Variants in ALCAM observed in about 807,000 individuals in gnomAD.
ALCAM encodes activated leukocyte cell adhesion molecule.
In ALCAM, 30 loss-of-function variants were observed where a neutral mutation model predicts 70.9. The observed-to-expected ratio is 0.42, with a 90% CI of 0.32 to 0.57. The LOEUF is 0.57. Ranked by LOEUF, ALCAM falls within the 20% of genes least tolerant of loss-of-function variation. The pLI, the probability that ALCAM is intolerant of heterozygous loss-of-function variation, is 0.11. For synonymous variants in ALCAM, 249 were observed against 242.5 expected, an observed-to-expected ratio of 1.03 and a Z score of -0.25; for missense variants, 591 against 695.1, an observed-to-expected ratio of 0.85 and a Z score of 1.68.
At chr3:105,397,926 C>G (rs1423248283) in intron 1 of ALCAM, among the ~76,000 whole-genome samples, 1 of 152,022 alleles carries the variant, frequency 6.6e-6, no homozygotes, top group African/African-American at 2.4e-5. Flanking sequence ...TGTTGAGTGA[C>G]TACCATGGGT....
chr3:105,553,540 A>G (rs1940458297), intron 14 of ALCAM, among the ~76,000 whole-genome samples: 1 of 151,800 alleles, frequency 6.6e-6, no homozygotes, highest in Non-Finnish European at 1.5e-5. Context: ...AAGAAAGTTG[A>G]CTTAAAAGAG....
chr3:105,569,889 T>C (rs1282531740), intron 14 of ALCAM, among the ~76,000 whole-genome samples: 2 of 152,154 alleles, frequency 1.3e-5, no homozygotes, highest in Non-Finnish European at 2.9e-5. Flanking sequence ...CTTTCTAGGA[T>C]GTCAATTAGA....
chr3:105,454,962 G>T (rs966341108), intron 1 of ALCAM, among the ~76,000 whole-genome samples: 5 of 151,880 alleles, frequency 3.3e-5, no homozygotes, highest in African/African-American at 1.2e-4. Flanking sequence ...TTACAGGCGT[G>T]AGCCACTGCA....
intron 1 of ALCAM, among the ~76,000 whole-genome samples, chr3:105,441,485 A>T (rs1304685704): frequency 6.6e-6 from 1 of 152,154 alleles, no homozygotes; most frequent in African/African-American, 2.4e-5. Flanking sequence ...CTTTGCTTTT[A>T]ATCAATTGAA....
At chr3:105,415,215 ATTACT>A (rs1291774049) in intron 1 of ALCAM, among the ~76,000 whole-genome samples, 1 of 152,156 alleles carries the variant, frequency 6.6e-6, no homozygotes, top group African/African-American at 2.4e-5. Context: ...TGTAAACATA[ATTACT>A]TGCTTTCATC....
intron 1 of ALCAM, among the ~76,000 whole-genome samples, chr3:105,450,178 G>A (rs910638908): frequency 1.3e-5 from 2 of 152,122 alleles, no homozygotes; most frequent in African/African-American, 4.8e-5. Context: ...TCAAGAAATG[G>A]TTGAGATACC....
chr3:105,559,657 C>T (rs2152633760), intron 14 of ALCAM, among the ~76,000 whole-genome samples: 1 of 152,216 alleles, frequency 6.6e-6, no homozygotes, highest in East Asian at 1.9e-4. Context: ...ACTACTACTC[C>T]CTTCAAGATA....
At chr3:105,558,843 A>T (rs1296052287) in intron 14 of ALCAM, among the ~76,000 whole-genome samples, 1 of 151,952 alleles carries the variant, frequency 6.6e-6, no homozygotes, top group Non-Finnish European at 1.5e-5. Flanking sequence ...TTATCCTCAC[A>T]CCAGCTCTAC....
intron 14 of ALCAM, among the ~76,000 whole-genome samples, chr3:105,571,433 G>T (rs1940858402): frequency 6.6e-6 from 1 of 152,126 alleles, no homozygotes; most frequent in Non-Finnish European, 1.5e-5. Flanking sequence ...GCTCAACTGG[G>T]ATACATGATA....
At chr3:105,532,480 G>A (rs1405418209) in intron 4 of ALCAM, among the ~76,000 whole-genome samples, 1 of 152,138 alleles carries the variant, frequency 6.6e-6, no homozygotes, top group Non-Finnish European at 1.5e-5. Flanking sequence ...GTACATGCCT[G>A]TGGTCCCAGC....
chr3:105,447,536 C>T (rs1400021566), intron 1 of ALCAM, among the ~76,000 whole-genome samples: 1 of 152,062 alleles, frequency 6.6e-6, no homozygotes, highest in Non-Finnish European at 1.5e-5. Flanking sequence ...CCATCTCTAC[C>T]AAGAAATACA....
chr3:105,424,482 AATG>A (rs1349660386), intron 1 of ALCAM, among the ~76,000 whole-genome samples: 10 of 151,704 alleles, frequency 6.6e-5, no homozygotes, highest in Non-Finnish European at 1.5e-4. Context: ...TTGAAATCAG[AATG>A]TTTCATGGTG....
At chr3:105,389,550 G>A (rs928128099) in intron 1 of ALCAM, among the ~76,000 whole-genome samples, 1 of 150,888 alleles carries the variant, frequency 6.6e-6, no homozygotes, top group African/African-American at 2.4e-5. Context: ...TAAACTACTA[G>A]TGCAAAATTA....
intron 2 of ALCAM, among the ~76,000 whole-genome samples, chr3:105,522,437 A>G (rs1436208124): frequency 6.6e-6 from 1 of 152,226 alleles, no homozygotes; most frequent in Admixed American, 6.5e-5. Flanking sequence ...CAATGCTCTA[A>G]TTTAATGTAA....
intron 1 of ALCAM, among the ~76,000 whole-genome samples, chr3:105,371,157 C>T (rs77924707): frequency 6.6e-6 from 1 of 152,116 alleles, no homozygotes; most frequent in East Asian, 1.9e-4. Flanking sequence ...TGCATGTCTA[C>T]CATTGACTTA....
At chr3:105,371,018 T>C (rs1935215529) in intron 1 of ALCAM, among the ~76,000 whole-genome samples, 1 of 152,180 alleles carries the variant, frequency 6.6e-6, no homozygotes, top group Non-Finnish European at 1.5e-5. Context: ...TAGAAAATAC[T>C]AATATTTTTC....
chr3:105,453,815 T>C (rs1434299658), intron 1 of ALCAM, among the ~76,000 whole-genome samples: 2 of 152,112 alleles, frequency 1.3e-5, no homozygotes, highest in Non-Finnish European at 2.9e-5. Context: ...TCCTAGGTAT[T>C]TTGTTCTCTT....
At chr3:105,394,786 A>G (rs190363445) in intron 1 of ALCAM, among the ~76,000 whole-genome samples, 1 of 152,038 alleles carries the variant, frequency 6.6e-6, no homozygotes, top group East Asian at 1.9e-4. Flanking sequence ...TTTAATATTA[A>G]CTGCAGCCAT....
chr3:105,507,578 C>T (rs2399048), intron 1 of ALCAM, among the ~76,000 whole-genome samples: 24,057 of 151,874 alleles, frequency 0.16, 2,092 homozygotes, highest in Admixed American at 0.25. Flanking sequence ...CAGGTCCCTT[C>T]GTGTTTTTTT....
Sources: gnomAD v4.1 joint callset for allele counts (sites outside exome capture counted in the v4.1 genomes callset) on GRCh38, gnomAD v4.1.1 for gene constraint, MANE v1.5 for transcripts, NCBI Gene and HGNC (gene_info 2026-07-23, HGNC 2026-07-21) for gene names.